The following TASP1 variants were observed in gnomAD, a reference collection of about 807,000 sequenced individuals.
TASP1 encodes the protein threonine aspartase 1.
A neutral mutation model predicts 56.6 loss-of-function variants in TASP1; 16 were observed. That is an observed-to-expected ratio of 0.28 (90% CI 0.19 to 0.43). The LOEUF is 0.43. TASP1 is among the 20% of genes least tolerant of loss of function. The pLI, the probability that TASP1 is intolerant of heterozygous loss-of-function variation, is 1.00. For synonymous variants in TASP1, 179 were observed against 184.2 expected (o/e 0.97, Z 0.23); for missense variants, 393 against 511.6 (o/e 0.77, Z 2.24).
At position 13,483,316 on chromosome 20, in the gene TASP1, C is replaced by G; in HGVS notation, c.896G>C (p.Arg299Pro). The change falls in exon 11 of 14, where the codon CGC (arginine) becomes CCC (proline). Residue 299 changes from arginine to proline, a missense_variant. Coordinates refer to ENST00000337743, the MANE Select transcript of TASP1 (RefSeq NM_017714.3). ...STSGCGEHLV[R>P]TILARECSHA... Reference sequence around the variant, plus strand: ...TGAACATTCTCTAGCCAGTATGGTGCGCACAAGATGCTCTCCACATCCTAG... The same window carrying G: ...TGAACATTCTCTAGCCAGTATGGTGGGCACAAGATGCTCTCCACATCCTAG... 6.3e-7 allele frequency: 1 copy of G among 1,583,242 alleles called. No homozygotes were observed. Among genetic ancestry groups the G allele is most frequent in the Non-Finnish European group, 8.6e-7 (1 of 1,163,150 alleles).
the TASP1 span, among the ~76,000 whole-genome samples, chr20:13,337,646 C>A: frequency 6.6e-6 from 1 of 152,232 alleles, no homozygotes; most frequent in Non-Finnish European, 1.5e-5. Context: ...GTTCTATTAA[C>A]TTGGTCACCA....
chr20:13,576,786 T>C (rs2147185396), intron 6 of TASP1, among the ~76,000 whole-genome samples: 1 of 152,296 alleles, frequency 6.6e-6, no homozygotes, highest in Non-Finnish European at 1.5e-5. Flanking sequence ...GAAAACTATG[T>C]TTGTGAGAAA....
chr20:13,174,792 C>A, the TASP1 span, among the ~76,000 whole-genome samples: 1 of 151,974 alleles, frequency 6.6e-6, no homozygotes, highest in Non-Finnish European at 1.5e-5. Flanking sequence ...ATGTACAGGT[C>A]TCTTTGATAT....
intron 4 of TASP1, among the ~76,000 whole-genome samples, chr20:13,622,824 A>G (rs139875441): frequency 0.01 from 1,565 of 152,308 alleles, 34 homozygotes; most frequent in African/African-American, 0.036. Flanking sequence ...TTGAGCAGCA[A>G]GTCGATCTTC....
intron 10 of TASP1, among the ~76,000 whole-genome samples, chr20:13,507,409 C>T (rs1263299842): frequency 4.0e-5 from 6 of 151,858 alleles, no homozygotes; most frequent in Admixed American, 6.6e-5. Context: ...GGCACGTGTC[C>T]GTAGTCCCAC....
intron 11 of TASP1, among the ~76,000 whole-genome samples, chr20:13,442,682 G>C (rs2043264716): frequency 6.6e-6 from 1 of 151,714 alleles, no homozygotes; most frequent in Non-Finnish European, 1.5e-5. Context: ...CAGAGACAGA[G>C]AGAGAATGGC....
the TASP1 span, among the ~76,000 whole-genome samples, chr20:13,206,151 G>A: frequency 2.0e-5 from 3 of 152,212 alleles, no homozygotes; most frequent in East Asian, 5.8e-4. Flanking sequence ...TCAGAATCCT[G>A]AGGGGAGCTG....
the TASP1 span, among the ~76,000 whole-genome samples, chr20:13,162,300 G>C: frequency 6.6e-6 from 1 of 152,180 alleles, no homozygotes; most frequent in Admixed American, 6.5e-5. Context: ...CAGCATGGAT[G>C]AATTTGTAAT....
downstream of TASP1, among the ~76,000 whole-genome samples, chr20:13,386,191 G>A (rs1249954208): frequency 4.6e-5 from 7 of 152,324 alleles, no homozygotes; most frequent in East Asian, 1.4e-3. Flanking sequence ...TGGGAAAGCA[G>A]TAAATGAGGG....
the TASP1 span, among the ~76,000 whole-genome samples, chr20:13,332,776 T>G: frequency 5.3e-5 from 8 of 152,364 alleles, no homozygotes; most frequent in East Asian, 1.5e-3. Context: ...GATAAGGTTT[T>G]TTGTTCATTC....
the TASP1 span, chr20:13,298,996 A>G: frequency 6.2e-7 from 1 of 1,613,626 alleles, no homozygotes; most frequent in Non-Finnish European, 8.5e-7. Context: ...TTAAAGAAGT[A>G]CATGCACAAG....
At chr20:13,204,049 A>G in the TASP1 span, among the ~76,000 whole-genome samples, 1 of 152,266 alleles carries the variant, frequency 6.6e-6, no homozygotes, top group African/African-American at 2.4e-5. Context: ...TAGTAATGTC[A>G]TAAGACTTCT....
the TASP1 span, among the ~76,000 whole-genome samples, chr20:13,255,277 A>G: frequency 1.3e-5 from 2 of 152,176 alleles, no homozygotes; most frequent in Admixed American, 1.3e-4. Context: ...GAAAAAATGG[A>G]TAAAATGCTC....
chr20:13,198,871 CTTCT>C, the TASP1 span, among the ~76,000 whole-genome samples: 2 of 132,962 alleles, frequency 1.5e-5, no homozygotes, highest in Non-Finnish European at 3.2e-5. Flanking sequence ...TCCTTCCTTC[CTTCT>C]TTCCTTCCTT....
At chr20:13,312,083 G>C in the TASP1 span, among the ~76,000 whole-genome samples, 2 of 152,112 alleles carry the variant, frequency 1.3e-5, no homozygotes, top group Admixed American at 1.3e-4. Context: ...TTTTTTAAAA[G>C]AACATATATA....
the TASP1 span, among the ~76,000 whole-genome samples, chr20:13,187,930 T>C: frequency 1.2e-3 from 179 of 152,014 alleles, 6 homozygotes; most frequent in East Asian, 0.029. Context: ...GTGAGATATG[T>C]GTGTGTATAT....
At chr20:13,211,857 T>G in the TASP1 span, among the ~76,000 whole-genome samples, 1 of 152,188 alleles carries the variant, frequency 6.6e-6, no homozygotes, top group South Asian at 2.1e-4. Context: ...CATTTTTATA[T>G]GGTCATATTT....
At chr20:13,444,107 A>G (rs747716402) in intron 11 of TASP1, among the ~76,000 whole-genome samples, 44 of 152,122 alleles carry the variant, frequency 2.9e-4, no homozygotes, top group Non-Finnish European at 5.4e-4. Flanking sequence ...TCTGATGTGC[A>G]TGTATAGTGT....
the TASP1 span, among the ~76,000 whole-genome samples, chr20:13,123,223 C>G: frequency 3.9e-5 from 6 of 151,938 alleles, no homozygotes; most frequent in Non-Finnish European, 7.4e-5. Context: ...CCCAGCTACT[C>G]GGGAGGCTGA....
Sources: allele counts gnomAD v4.1 joint callset (sites outside exome capture counted in the v4.1 genomes callset), GRCh38; gene constraint gnomAD v4.1.1; transcripts MANE v1.5; gene names NCBI Gene and HGNC (gene_info 2026-07-23, HGNC 2026-07-21).